The following ITCH variants were observed in gnomAD, a reference collection of about 807,000 sequenced individuals.
ITCH encodes the protein itchy E3 ubiquitin protein ligase.
A neutral mutation model predicts 126.8 loss-of-function variants in ITCH; 28 were observed. The ratio of observed to expected loss-of-function variants is 0.22; its 90% CI spans 0.16 to 0.30. The LOEUF is 0.30. ITCH is among the 10% of genes least tolerant of loss of function. The pLI, the probability that ITCH is intolerant of heterozygous loss-of-function variation, is 1.00. For missense variants in ITCH, 631 were observed against 1,032.4 expected, an observed-to-expected ratio of 0.61 and a Z score of 5.33; for synonymous variants, 342 against 340.0, an observed-to-expected ratio of 1.01 and a Z score of -0.06.
chr20:34,366,364 C>G (rs1274795197), intron 1 of ITCH, among the ~76,000 whole-genome samples: 2 of 152,102 alleles, frequency 1.3e-5, no homozygotes, highest in African/African-American at 2.4e-5. Flanking sequence ...GCTGGGACAA[C>G]AGGCATGCAT....
chr20:34,436,420 G>A (rs150895079), intron 7 of ITCH, among the ~76,000 whole-genome samples: 93 of 152,258 alleles, frequency 6.1e-4, no homozygotes, highest in African/African-American at 2.0e-3. Context: ...TTTCAAACTA[G>A]TTAGGAACGT....
intron 6 of ITCH, among the ~76,000 whole-genome samples, chr20:34,423,025 C>T (rs1446187708): frequency 6.6e-6 from 1 of 152,162 alleles, no homozygotes; most frequent in East Asian, 1.9e-4. Flanking sequence ...AAGTTCCTGA[C>T]CTCAGGCAAT....
At chr20:34,452,168 G>A (rs6120650) in intron 12 of ITCH, among the ~76,000 whole-genome samples, 67,981 of 151,812 alleles carry the variant, frequency 0.45, 15,772 homozygotes, top group Non-Finnish European at 0.5. Flanking sequence ...TAGGGCAGGT[G>A]TAGAAAAAAA....
intron 12 of ITCH, among the ~76,000 whole-genome samples, chr20:34,451,161 G>T (rs138180384): frequency 6.6e-6 from 1 of 151,976 alleles, no homozygotes; most frequent in Non-Finnish European, 1.5e-5. Context: ...TTGGTGGCCC[G>T]TGCCTGTAAT....
intron 13 of ITCH, among the ~76,000 whole-genome samples, chr20:34,460,632 T>TA (rs1300417775): frequency 1.3e-5 from 2 of 152,154 alleles, no homozygotes. Flanking sequence ...ACAAAGAACC[T>TA]AAAGTTTAGA....
At chr20:34,427,283 T>C (rs187120985) in intron 7 of ITCH, among the ~76,000 whole-genome samples, 24 of 152,284 alleles carry the variant, frequency 1.6e-4, no homozygotes, top group African/African-American at 5.3e-4. Flanking sequence ...TTTTATTCTT[T>C]ACTGTGATTA....
intron 7 of ITCH, among the ~76,000 whole-genome samples, chr20:34,427,514 G>A (rs1601874940): frequency 6.6e-6 from 1 of 152,252 alleles, no homozygotes; most frequent in East Asian, 1.9e-4. Flanking sequence ...GGAGTGGGGA[G>A]GGTGCCCAAA....
At chr20:34,477,650 A>T (rs1341004869) in intron 16 of ITCH, 122 bp from the exon 17 acceptor site, 1 of 807,488 alleles carries the variant, frequency 1.2e-6, no homozygotes. Flanking sequence ...CTAGACCATG[A>T]ACACCTTTCT....
At chr20:34,405,718 C>T (rs576691390) in intron 3 of ITCH, among the ~76,000 whole-genome samples, 4 of 152,170 alleles carry the variant, frequency 2.6e-5, no homozygotes, top group African/African-American at 9.6e-5. Flanking sequence ...TTATGTTTTT[C>T]TGTGTAATCC....
intron 3 of ITCH, chr20:34,402,211 C>T (rs576558614): frequency 1.1e-5 from 16 of 1,420,568 alleles, no homozygotes; most frequent in Middle Eastern, 2.3e-4. Flanking sequence ...AATATTGCTT[C>T]GTCAAATACA....
chr20:34,412,448 A>G lies in ITCH; in HGVS notation c.213-67A>G, dbSNP rs950557838. 9.6e-6 allele frequency: 12 copies of G among 1,246,712 alleles called. No individual in the cohort carries two copies. In the Admixed American group the frequency reaches 2.2e-4, roughly 23 times the overall value. The allele number at this position is 1,246,712 out of a possible 1,614,324, so 77.2% of individuals were successfully genotyped here. Reference sequence around the variant, plus strand: ...CTTTAGACTTTAAAACTGAATTGTAATTTATTTAGGATCTCATTGTGATAT... The same window carrying G: ...CTTTAGACTTTAAAACTGAATTGTAGTTTATTTAGGATCTCATTGTGATAT... On this transcript the variant is annotated intron_variant, in intron 4 of 24. Transcript: ENST00000374864.
chr20:34,375,520 G>A (rs920090995), intron 2 of ITCH, among the ~76,000 whole-genome samples: 43 of 151,816 alleles, frequency 2.8e-4, no homozygotes, highest in Non-Finnish European at 5.0e-4. Flanking sequence ...GATCTCTTGA[G>A]GCCAGGAGTT....
intron 3 of ITCH, among the ~76,000 whole-genome samples, chr20:34,408,032 C>T (rs1412510635): frequency 6.6e-6 from 1 of 152,130 alleles, no homozygotes; most frequent in African/African-American, 2.4e-5. Context: ...CTCAAGCAGT[C>T]CTCCTGCCTC....
chr20:34,440,636 T>C (rs1461790142), intron 9 of ITCH, among the ~76,000 whole-genome samples: 1 of 151,986 alleles, frequency 6.6e-6, no homozygotes, highest in Non-Finnish European at 1.5e-5. Flanking sequence ...TTTGTATTTT[T>C]AGTAGGGGAT....
At chr20:34,373,226 G>A (rs1372226193) in intron 2 of ITCH, among the ~76,000 whole-genome samples, 2 of 151,322 alleles carry the variant, frequency 1.3e-5, no homozygotes, top group African/African-American at 4.9e-5. Context: ...CACCTGCCTC[G>A]ACCTCCCAAA....
intron 3 of ITCH, among the ~76,000 whole-genome samples, chr20:34,403,807 GA>G (rs1336298312): frequency 1.3e-5 from 2 of 152,086 alleles, no homozygotes; most frequent in East Asian, 3.9e-4. Context: ...GGGTATAAAA[GA>G]AAAAAGGATC....
intron 3 of ITCH, among the ~76,000 whole-genome samples, chr20:34,396,221 A>G (rs1477436300): frequency 6.6e-6 from 1 of 151,850 alleles, no homozygotes; most frequent in African/African-American, 2.4e-5. Flanking sequence ...TTTAGTAAAG[A>G]CGGGGTTTCA....
At chr20:34,398,235 G>A (rs1481877469) in intron 3 of ITCH, among the ~76,000 whole-genome samples, 1 of 151,464 alleles carries the variant, frequency 6.6e-6, no homozygotes. Context: ...GCTAATTTTT[G>A]TATTTTTTAT....
intron 11 of ITCH, among the ~76,000 whole-genome samples, chr20:34,446,504 G>C (rs6059842): frequency 6.6e-6 from 1 of 152,070 alleles, no homozygotes; most frequent in Non-Finnish European, 1.5e-5. Flanking sequence ...TTATGACTCA[G>C]GTACTTTTCT....
Sources: gnomAD v4.1 joint callset for allele counts (sites outside exome capture counted in the v4.1 genomes callset) on GRCh38, gnomAD v4.1.1 for gene constraint, MANE v1.5 for transcripts, NCBI Gene and HGNC (gene_info 2026-07-23, HGNC 2026-07-21) for gene names.